TBC1D16: variants seen among roughly 807,000 people sequenced by gnomAD.
TBC1D16 encodes the protein TBC1 domain family member 16.
A neutral mutation model predicts 74.7 loss-of-function variants in TBC1D16; 58 were observed. The ratio of observed to expected loss-of-function variants is 0.78; its 90% confidence interval spans 0.63 to 0.97. The LOEUF (loss-of-function observed/expected upper bound fraction) is 0.97, where lower values mean the gene tolerates loss of function less well. Ranked by LOEUF, TBC1D16 falls within the 50% of genes least tolerant of loss-of-function variation. The pLI is 0.00. For synonymous variants in TBC1D16, 493 were observed against 474.7 expected (o/e 1.04, Z -0.50); for missense variants, 1,014 against 1,079.5 (o/e 0.94, Z 0.85).
chr17:79,950,641 G>A lies in TBC1D16; in HGVS notation c.1090-63C>T. The A allele has an allele frequency of 6.3e-7, 1 of 1,578,438 alleles. No individual in the cohort carries two copies. The highest frequency in any genetic ancestry group is 8.6e-7 in the Non-Finnish European group (1 of 1,162,126). ...AGCCGCGCGGCTTCAGAGGCCAGCA[G>A]TGCTTTTCCCAGGAATAAAAGCCTC... On this transcript the variant is annotated intron_variant, in intron 5 of 11. Transcript: ENST00000310924. The surrounding 1 kb of genome is among the most constrained non-coding windows in gnomAD (Gnocchi z 4.6).
At chr17:80,025,557 CG>C (rs1598446259) in intron 1 of TBC1D16, among the ~76,000 whole-genome samples, 1 of 124,914 alleles carries the variant, frequency 8.0e-6, no homozygotes, top group African/African-American at 2.8e-5. Context: ...ACCTGGGCTT[CG>C]GGGCCCGCCT....
intron 1 of TBC1D16, among the ~76,000 whole-genome samples, chr17:80,032,347 G>C (rs1162198765): frequency 6.6e-6 from 1 of 152,242 alleles, no homozygotes; most frequent in Admixed American, 6.5e-5. Flanking sequence ...ATTCCGACTG[G>C]ACAGTGGATT....
At position 79,952,825 on chromosome 17, in the gene TBC1D16, G is replaced by A. The variant is rs1185713443; in HGVS notation, c.780-7C>T. 1.9e-6 allele frequency: 3 copies of A among 1,604,216 alleles called. No homozygotes were observed. Among genetic ancestry groups the A allele is most frequent in the Non-Finnish European group, 1.7e-6 (2 of 1,174,782 alleles). On this transcript the variant is annotated splice_region_variant and splice_polypyrimidine_tract_variant and intron_variant, in intron 3 of 11. Transcript: ENST00000310924. ...GTCGGAGCTGGACGGGGGGCTGGTG[G>A]AACAGGTTATGTGATGATCGCCACA...
intron 1 of TBC1D16, among the ~76,000 whole-genome samples, chr17:80,014,351 T>C (rs2144696280): frequency 6.6e-6 from 1 of 151,846 alleles, no homozygotes; most frequent in Non-Finnish European, 1.5e-5. Context: ...AGCGAGACTC[T>C]GTCTCAAAAA....
rs1485394185 is a variant in TBC1D16, at chr17:79,947,089, C to T, written c.1728+556G>A. On this transcript the variant is annotated intron_variant, in intron 9 of 11. Transcript: ENST00000310924. Reference sequence around the variant, plus strand: ...CCTTACCCAGCTGGGCTCAGCCCCACCACCGACATTCAGTGCTTCCTGGTC... The same window carrying T: ...CCTTACCCAGCTGGGCTCAGCCCCATCACCGACATTCAGTGCTTCCTGGTC... 2.6e-5 allele frequency among the ~76,000 whole-genome samples: 4 copies of T among 152,362 alleles called. No individual in the cohort carries two copies. The East Asian group carries it at 7.7e-4, about 29-fold the overall frequency.
intron 1 of TBC1D16, among the ~76,000 whole-genome samples, chr17:80,034,342 G>T (rs1361312069): frequency 1.3e-5 from 2 of 151,886 alleles, no homozygotes; most frequent in Non-Finnish European, 2.9e-5. Flanking sequence ...TGGGATTACA[G>T]GCTCACGCCA....
At chr17:80,002,837 G>A (rs961314545) in intron 3 of TBC1D16, among the ~76,000 whole-genome samples, 3 of 152,250 alleles carry the variant, frequency 2.0e-5, no homozygotes, top group South Asian at 2.1e-4. Context: ...GTGCACTGCA[G>A]GACGCTCTGC....
intron 5 of TBC1D16, 85 bp downstream of exon 5, chr17:79,951,365 G>T: frequency 6.6e-7 from 1 of 1,518,274 alleles, no homozygotes; most frequent in South Asian, 1.2e-5. Context: ...GGGGACCCCA[G>T]ACACAGGACC....
At position 80,024,474 on chromosome 17, in the gene TBC1D16, C is replaced by CCATACACCATAGACACATACCA. The variant is rs2036438356; in HGVS notation, c.-62-10866_-62-10865insTGGTATGTGTCTATGGTGTATG. ...ACCACACACACCATAGACACACACA[C>CCATACACCATAGACACATACCA]CACACACCATAGACACACACCACAC... On this transcript the variant is annotated intron_variant, in intron 1 of 11. Transcript: ENST00000310924. Among the ~76,000 whole-genome samples the CCATACACCATAGACACATACCA allele has an allele frequency of 8.2e-5, 2 of 24,322 alleles. 1 individual carries two copies. The highest frequency in any genetic ancestry group is 1.7e-4 in the Non-Finnish European group (2 of 11,892). The allele number at this position is 24,322 out of a possible 152,430, so 16.0% of individuals were successfully genotyped here.
rs1027549510 is a variant in TBC1D16, at chr17:79,981,116, C to T, written c.780-28298G>A. Reference sequence around the variant, plus strand: ...AAGCTGAATTCTGTATCTAGCCCCTCGTGGCAGCAGTGACGGAAGGACAGA... The same window carrying T: ...AAGCTGAATTCTGTATCTAGCCCCTTGTGGCAGCAGTGACGGAAGGACAGA... On this transcript the variant is annotated intron_variant, in intron 3 of 11. Transcript: ENST00000310924. This position sits in a 1 kb window ranked among gnomAD's most constrained non-coding sequence, Gnocchi z 6.9. Among the ~76,000 whole-genome samples, 2 of 152,232 alleles carry T rather than the reference C, an allele frequency of 1.3e-5. No homozygotes were observed. Among genetic ancestry groups the T allele is most frequent in the Non-Finnish European group, 2.9e-5 (2 of 68,030 alleles).
At chr17:80,022,462 G>C (rs866077431) in intron 1 of TBC1D16, among the ~76,000 whole-genome samples, 1 of 147,148 alleles carries the variant, frequency 6.8e-6, no homozygotes, top group Non-Finnish European at 1.5e-5. Context: ...TCAGACTCCC[G>C]AGTAGCTGGG....
In TBC1D16 at chr17:80,007,522, C is replaced by G. The variant is rs1447102716; in HGVS notation, c.779+2638G>C. Among the ~76,000 whole-genome samples, 3 of 152,186 alleles carry G rather than the reference C, an allele frequency of 2.0e-5. No homozygotes were observed. Among genetic ancestry groups the G allele is most frequent in the East Asian group, 3.9e-4 (2 of 5,192 alleles). On this transcript the variant is annotated intron_variant, in intron 3 of 11. Coordinates refer to ENST00000310924, the MANE Select transcript of TBC1D16 (RefSeq NM_019020.4). The surrounding 1 kb of genome is among the most constrained non-coding windows in gnomAD (Gnocchi z 4.5). Reference sequence around the variant, plus strand: ...CTGCCTCCCAGCAGCTGGGGACGGACAGGCGGACAGGGTGTCTCAGTGGGG... The same window carrying G: ...CTGCCTCCCAGCAGCTGGGGACGGAGAGGCGGACAGGGTGTCTCAGTGGGG...
chr17:79,957,079 C>T (rs982743994), intron 3 of TBC1D16, among the ~76,000 whole-genome samples: 1 of 152,208 alleles, frequency 6.6e-6, no homozygotes, highest in Non-Finnish European at 1.5e-5. Flanking sequence ...TGTGTTCTGT[C>T]TGGTTTCTGG....
chr17:80,008,166 G>GC lies in TBC1D16; in HGVS notation c.779+1993dup, dbSNP rs1326138899. 2.6e-5 allele frequency among the ~76,000 whole-genome samples: 4 copies of GC among 152,268 alleles called. No individual in the cohort carries two copies. Among genetic ancestry groups the GC allele is most frequent in the East Asian group, 1.9e-4 (1 of 5,176 alleles). On this transcript the variant is annotated intron_variant, in intron 3 of 11. Transcript: ENST00000310924. The surrounding 1 kb of genome is among the most constrained non-coding windows in gnomAD (Gnocchi z 4.5). ...GCTCCCCCAGGAACCCCCACATGCA[G>GC]CCAGGTTGAAGAACCAGCAAGGCGA...
At position 80,011,847 on chromosome 17, in the gene TBC1D16, C is replaced by T. The variant is rs191887523; in HGVS notation, c.182-1090G>A. On this transcript the variant is annotated intron_variant, in intron 2 of 11. Coordinates refer to ENST00000310924, the MANE Select transcript of TBC1D16 (RefSeq NM_019020.4). The stretch of plus-strand genomic sequence containing the variant: ...TCTCAAAAAAAAAAAAAAAATTCAT[C>T]CAAGCTGGGTGGTATTTGGGCCTTT... Among the ~76,000 whole-genome samples, 3 of 152,074 alleles carry T rather than the reference C, an allele frequency of 2.0e-5. No homozygotes were observed. In the East Asian group the frequency reaches 5.8e-4, roughly 30 times the overall value.
chr17:79,943,581 G>A (rs567784236), intron 10 of TBC1D16, among the ~76,000 whole-genome samples: 23 of 59,522 alleles, frequency 3.9e-4, no homozygotes, highest in African/African-American at 1.5e-3. Flanking sequence ...CCCCCACCCC[G>A]TAATACTACC....
chr17:79,948,748 T>C, intron 8 of TBC1D16, 124 bp downstream of exon 8: 1 of 1,275,332 alleles, frequency 7.8e-7, no homozygotes, highest in Non-Finnish European at 1.1e-6. Flanking sequence ...TTCTGGGGCT[T>C]TGATGTATGA....
rs939456370 is a variant in TBC1D16, at chr17:79,975,229, G to A, written c.780-22411C>T. Among the ~76,000 whole-genome samples, 2 of 152,152 alleles carry A rather than the reference G, an allele frequency of 1.3e-5. No homozygotes were observed. Among genetic ancestry groups the A allele is most frequent in the South Asian group, 2.1e-4 (1 of 4,830 alleles). ...TTTCCCTTTGCATTTGGTGAACTCC[G>A]TGTCAGGAAAGCTAGTCTTTGGGAT... On this transcript the variant is annotated intron_variant, in intron 3 of 11. Coordinates refer to ENST00000310924, the MANE Select transcript of TBC1D16 (RefSeq NM_019020.4). This position sits in a 1 kb window ranked among gnomAD's most constrained non-coding sequence, Gnocchi z 4.5.
chr17:80,027,617 G>A (rs1312275248), intron 1 of TBC1D16, among the ~76,000 whole-genome samples: 1 of 151,626 alleles, frequency 6.6e-6, no homozygotes, highest in Non-Finnish European at 1.5e-5. Context: ...AAGAGGCCGG[G>A]TGCAGTAGCT....
Sources: allele counts gnomAD v4.1 joint callset (sites outside exome capture counted in the v4.1 genomes callset), GRCh38; gene constraint gnomAD v4.1.1; non-coding constraint Gnocchi (gnomAD v3.1); transcripts MANE v1.5; gene names NCBI Gene and HGNC (gene_info 2026-07-23, HGNC 2026-07-21).